Variants in EMC7 observed in about 807,000 individuals in gnomAD.
The protein encoded by EMC7 is endoplasmic reticulum membrane protein complex subunit 7.
A neutral mutation model predicts 24.4 loss-of-function variants in EMC7; 4 were observed. That is an observed-to-expected ratio of 0.16 (90% CI 0.08 to 0.38). The LOEUF (loss-of-function observed/expected upper bound fraction) is 0.38, where lower values mean the gene tolerates loss of function less well. EMC7 is among the 10% of genes least tolerant of loss of function. EMC7 has a pLI of 1.00. For synonymous variants in EMC7, 106 were observed against 112.0 expected, an observed-to-expected ratio of 0.95 and a Z score of 0.34; for missense variants, 221 against 300.6, an observed-to-expected ratio of 0.74 and a Z score of 1.96.
At chr15:34,097,210 T>C (rs577162989) in intron 1 of EMC7, among the ~76,000 whole-genome samples, 145 of 151,956 alleles carry the variant, frequency 9.5e-4, no homozygotes, top group Non-Finnish European at 1.8e-3. Context: ...ATTTTTTGTA[T>C]TTTTAGTAGA....
rs149700862 is a variant in EMC7 at position 34,099,676 on chromosome 15, G to A, written c.236+1928C>T. ...GCTGGAACGCAATGGCATGATCACA[G>A]CTCACTACAGCCTCAACCGCCTCGG... On this transcript the variant is annotated intron_variant, in intron 1 of 4. Transcript: ENST00000256545. Among the ~76,000 whole-genome samples, 519 of 152,250 alleles carry A rather than the reference G, an allele frequency of 3.4e-3. 3 individuals carry two copies. Among genetic ancestry groups the A allele is most frequent in the African/African-American group, 0.012 (498 of 41,526 alleles).
At chr15:34,087,961 C>A in intron 4 of EMC7, 92 bp downstream of exon 4, 1 of 1,138,882 alleles carries the variant, frequency 8.8e-7, no homozygotes, top group South Asian at 1.5e-5. Flanking sequence ...TTTGAGGCCA[C>A]TCAAACTGAT....
At chr15:34,086,103 G>A in intron 4 of EMC7, 1 of 348,264 alleles carries the variant, frequency 2.9e-6, no homozygotes, top group Non-Finnish European at 5.5e-6. Context: ...GAAGCCACTG[G>A]GTAGTAAGTA....
intron 1 of EMC7, among the ~76,000 whole-genome samples, chr15:34,101,194 C>T (rs1467495681): frequency 6.6e-6 from 1 of 150,944 alleles, no homozygotes; most frequent in Non-Finnish European, 1.5e-5. Flanking sequence ...CATCTTTCTA[C>T]ATAATAACAA....
chr15:34,088,318 A>G (rs986927777), intron 3 of EMC7, among the ~76,000 whole-genome samples, 185 bp from the exon 4 acceptor site: 2 of 152,206 alleles, frequency 1.3e-5, no homozygotes, highest in East Asian at 1.9e-4. Context: ...CTGTCTGACT[A>G]TGGTGGACTA....
chr15:34,099,922 C>T (rs1901148708), intron 1 of EMC7, among the ~76,000 whole-genome samples: 1 of 152,128 alleles, frequency 6.6e-6, no homozygotes, highest in Non-Finnish European at 1.5e-5. Flanking sequence ...AACCTTTCTA[C>T]ATACAAATAA....
chr15:34,097,031 T>C (rs1301581169), intron 1 of EMC7, among the ~76,000 whole-genome samples: 1 of 53,058 alleles, frequency 1.9e-5, no homozygotes, highest in African/African-American at 6.6e-5. Context: ...TGGTTTTCTG[T>C]TCTTCTTCTT....
At chr15:34,090,292 T>TAAATCAG in intron 3 of EMC7, 25 bp downstream of exon 3, 1 of 1,595,754 alleles carries the variant, frequency 6.3e-7, no homozygotes, top group Non-Finnish European at 8.5e-7. Flanking sequence ...ATTAGTAAAG[T>TAAATCAG]GCTTTATTTT....
intron 1 of EMC7, among the ~76,000 whole-genome samples, chr15:34,096,415 C>T (rs1267855017): frequency 6.6e-6 from 1 of 152,150 alleles, no homozygotes; most frequent in African/African-American, 2.4e-5. Flanking sequence ...GGGTAATCCA[C>T]CCGTCTCAGC....
At chr15:34,093,274 T>C (rs996640171) in intron 2 of EMC7, among the ~76,000 whole-genome samples, 2 of 151,940 alleles carry the variant, frequency 1.3e-5, no homozygotes, top group Non-Finnish European at 2.9e-5. Flanking sequence ...CCTGCCTCTA[T>C]TAAAAATGCA....
intron 1 of EMC7, among the ~76,000 whole-genome samples, chr15:34,097,039 C>CTTTTTTTTTT (rs553769836): frequency 0.57 from 54,135 of 95,348 alleles, 17,459 homozygotes; most frequent in South Asian, 0.67. Flanking sequence ...TGTTCTTCTT[C>CTTTTTTTTTT]TTTTTTTTTT....
rs750533108 is a variant in EMC7 at position 34,090,466 on chromosome 15, A to G, written c.357-11T>C. ...TTCACATATCTTGCTCTGATAAAGCAACATGGGGAAAGCAACAGTAATTCC... is the reference window on the plus strand; with the variant it reads ...TTCACATATCTTGCTCTGATAAAGCGACATGGGGAAAGCAACAGTAATTCC... On this transcript the variant is annotated splice_polypyrimidine_tract_variant and intron_variant, in intron 2 of 4. Transcript: ENST00000256545. 1.9e-6 allele frequency: 3 copies of G among 1,601,790 alleles called. No homozygotes were observed. Among genetic ancestry groups the G allele is most frequent in the South Asian group, 1.1e-5 (1 of 88,630 alleles).
chr15:34,093,806 C>CACACACACACACACACATAT (rs61440619), intron 2 of EMC7, among the ~76,000 whole-genome samples: 1 of 30,246 alleles, frequency 3.3e-5, no homozygotes, highest in African/African-American at 8.7e-5. Context: ...CACACACACA[C>CACACACACACACACACATAT]ATATATATAT....
chr15:34,100,213 C>T (rs971037121), intron 1 of EMC7, among the ~76,000 whole-genome samples: 3 of 152,152 alleles, frequency 2.0e-5, no homozygotes, highest in African/African-American at 7.2e-5. Flanking sequence ...TGATGGTGTC[C>T]GCCTGTAGTC....
Position 34,096,030 on chromosome 15 carries a change from T to C in EMC7, c.237-16A>G. 1 of 1,539,314 alleles carries C rather than the reference T, an allele frequency of 6.5e-7. No individual in the cohort carries two copies. The highest frequency in any genetic ancestry group is 8.8e-7 in the Non-Finnish European group (1 of 1,129,996). ...CCCATCTGTCCTGGAAAAATGAAAA[T>C]CATGTTTAGCTACTACTGATCAACA... On this transcript the variant is annotated splice_polypyrimidine_tract_variant and intron_variant, in intron 1 of 4. Coordinates refer to ENST00000256545, the MANE Select transcript of EMC7 (RefSeq NM_020154.3).
rs756483484 is a variant in EMC7, at chr15:34,096,006, C to G, written c.245G>C (p.Gly82Ala). The G allele has an allele frequency of 7.7e-6, 12 of 1,565,514 alleles. No homozygotes were observed. The East Asian group carries it at 2.5e-4, about 32-fold the overall frequency. The change falls in exon 2 of 5, where the codon GGG (glycine) becomes GCG (alanine). Residue 82 changes from glycine to alanine, a missense_variant. Gly to Ala is a moderately conservative substitution (Grantham distance 60, BLOSUM62 0). Around this residue, in one of 2 missense-constraint regions of EMC7, gnomAD observed 156 missense variants for 177.1 expected, o/e 0.88. Transcript: ENST00000256545. The part of the protein sequence containing the change: ...EEHVGFLKTD[G>A]SFVVHDIPSG... ...AGGTATATCATGAACCACAAAACTC[C>G]CATCTGTCCTGGAAAAATGAAAATC... is the stretch of plus-strand genomic sequence containing the variant.
intron 2 of EMC7, among the ~76,000 whole-genome samples, chr15:34,095,550 T>C (rs1459918760): frequency 6.6e-6 from 1 of 152,222 alleles, no homozygotes; most frequent in Admixed American, 6.5e-5. Flanking sequence ...AAACAGGTGA[T>C]GAATAGTATT....
In EMC7 at chr15:34,095,880, A is replaced by G; in HGVS notation, c.356+15T>C. 1 of 1,587,456 alleles carries G rather than the reference A, an allele frequency of 6.3e-7. No homozygotes were observed. Among genetic ancestry groups the G allele is most frequent in the Non-Finnish European group, 8.6e-7 (1 of 1,161,160 alleles). On this transcript the variant is annotated intron_variant, in intron 2 of 4. Coordinates refer to ENST00000256545, the MANE Select transcript of EMC7 (RefSeq NM_020154.3). ...TAGCCTAGCTTTTGGCAAAAATTAAATCAGGTGCCCTCACCTCATTTTTCC... is the reference window on the plus strand; with the variant it reads ...TAGCCTAGCTTTTGGCAAAAATTAAGTCAGGTGCCCTCACCTCATTTTTCC...
chr15:34,096,502 G>C (rs1901069257), intron 1 of EMC7, among the ~76,000 whole-genome samples: 2 of 152,088 alleles, frequency 1.3e-5, no homozygotes, highest in African/African-American at 2.4e-5. Flanking sequence ...AATAGGTTCT[G>C]AAAATACCCA....
Sources: allele counts gnomAD v4.1 joint callset (sites outside exome capture counted in the v4.1 genomes callset), GRCh38; gene constraint gnomAD v4.1.1; regional missense constraint gnomAD v4.1.1; transcripts MANE v1.5; gene names NCBI Gene and HGNC (gene_info 2026-07-23, HGNC 2026-07-21).